CASD1: variants seen among roughly 807,000 people sequenced by gnomAD.
The protein encoded by CASD1 is N-acetylneuraminate (7)9-O-acetyltransferase.
A neutral mutation model predicts 100.0 loss-of-function variants in CASD1; 41 were observed. The ratio of observed to expected loss-of-function variants is 0.41; its 90% confidence interval spans 0.32 to 0.53. The LOEUF is 0.53. Among genes scored for constraint, CASD1 ranks in the 20% least tolerant of loss-of-function variants. The probability of loss-of-function intolerance (pLI) is 0.25; values close to 1 mark genes in which losing one functional copy is unlikely to be tolerated. For missense variants in CASD1, 774 were observed against 948.7 expected (o/e 0.82, Z 2.42); for synonymous variants, 321 against 315.6 (o/e 1.02, Z -0.18).
chr7:94,520,022 T>A (rs1358481541), intron 3 of CASD1, among the ~76,000 whole-genome samples: 1 of 152,236 alleles, frequency 6.6e-6, no homozygotes, highest in East Asian at 1.9e-4. Flanking sequence ...TTCCAGTTTT[T>A]ATAGTCTAGG....
intron 1 of CASD1, among the ~76,000 whole-genome samples, chr7:94,512,446 G>A (rs184644416): frequency 6.6e-6 from 1 of 152,322 alleles, no homozygotes; most frequent in Admixed American, 6.5e-5. Flanking sequence ...GTGAGTATGA[G>A]TGTGCTGAGG....
At chr7:94,544,606 T>G in intron 11 of CASD1, 76 bp downstream of exon 11, 14 of 1,447,328 alleles carry the variant, frequency 9.7e-6, no homozygotes, top group Non-Finnish European at 1.3e-5. Context: ...GAGAAAAAAA[T>G]ATAAATATAG....
At chr7:94,516,544 T>C (rs1193069515) in intron 1 of CASD1, among the ~76,000 whole-genome samples, 1 of 152,228 alleles carries the variant, frequency 6.6e-6, no homozygotes, top group Non-Finnish European at 1.5e-5. Flanking sequence ...TGCTATTGAC[T>C]ATTGATAAAG....
chr7:94,542,314 A>G (rs2116365588), intron 10 of CASD1, among the ~76,000 whole-genome samples: 1 of 152,282 alleles, frequency 6.6e-6, no homozygotes, highest in Non-Finnish European at 1.5e-5. Flanking sequence ...GCATGTGGCT[A>G]TTGAGCACTT....
intron 13 of CASD1, among the ~76,000 whole-genome samples, chr7:94,549,224 T>A (rs1013272363): frequency 1.4e-4 from 22 of 151,960 alleles, no homozygotes; most frequent in South Asian, 4.1e-4. Context: ...ATTACCAGAT[T>A]TTTTGATTTG....
intron 12 of CASD1, among the ~76,000 whole-genome samples, chr7:94,546,282 A>T (rs1211061801): frequency 6.6e-6 from 1 of 151,972 alleles, no homozygotes; most frequent in Non-Finnish European, 1.5e-5. Context: ...CTAATTTCAC[A>T]TGGTTAGTTA....
At chr7:94,513,459 TCACAATCTAAA>T in intron 1 of CASD1, among the ~76,000 whole-genome samples, 1 of 152,170 alleles carries the variant, frequency 6.6e-6, no homozygotes, top group Non-Finnish European at 1.5e-5. Context: ...AATTCCAGGT[TCACAATCTAAA>T]CGTGCTTTGC....
chr7:94,608,478 T>C, the CASD1 span, among the ~76,000 whole-genome samples: 1 of 152,246 alleles, frequency 6.6e-6, no homozygotes, highest in Non-Finnish European at 1.5e-5. Flanking sequence ...GACTAAATAT[T>C]GTCCATATGC....
At chr7:94,571,099 A>G in the CASD1 span, among the ~76,000 whole-genome samples, 1 of 150,846 alleles carries the variant, frequency 6.6e-6, no homozygotes, top group Non-Finnish European at 1.5e-5. Context: ...GCTGGAAAGC[A>G]ATAGTGCAAT....
the CASD1 span, chr7:94,603,412 A>T: frequency 6.2e-7 from 1 of 1,613,294 alleles, no homozygotes; most frequent in Non-Finnish European, 8.5e-7. Context: ...TCTCGTAAAC[A>T]AGAAGAAAAC....
chr7:94,588,450 G>C, the CASD1 span: 1 of 1,326,978 alleles, frequency 7.5e-7, no homozygotes, highest in Non-Finnish European at 9.7e-7. Flanking sequence ...TCCTTAATTA[G>C]ACAGGACCTC....
In CASD1 at chr7:94,530,531, C is replaced by G. The variant is rs997007290; in HGVS notation, c.459+2281C>G. On this transcript the variant is annotated intron_variant, in intron 5 of 17. Coordinates refer to ENST00000297273, the MANE Select transcript of CASD1 (RefSeq NM_022900.5). ...AGGGTGTATTTTCTGAAAATAAGTA[C>G]GTTGAATTGAATTGAGGGTAGTGGA... Among the ~76,000 whole-genome samples, 4 of 151,980 alleles carry G rather than the reference C, an allele frequency of 2.6e-5. No individual in the cohort carries two copies. In the South Asian group the frequency reaches 8.3e-4, roughly 32 times the overall value.
At chr7:94,603,150 GA>G in the CASD1 span, 1 of 653,226 alleles carries the variant, frequency 1.5e-6, no homozygotes, top group Admixed American at 2.6e-5. Context: ...GAGCTTACCA[GA>G]TCCTTAATCT....
intron 3 of CASD1, among the ~76,000 whole-genome samples, chr7:94,522,404 T>A (rs1794326717): frequency 6.6e-6 from 1 of 152,192 alleles, no homozygotes; most frequent in Non-Finnish European, 1.5e-5. Flanking sequence ...CTTGTAGGCA[T>A]CTAATAAATT....
intron 17 of CASD1, among the ~76,000 whole-genome samples, chr7:94,554,943 T>G (rs1471718267): frequency 6.6e-6 from 1 of 152,052 alleles, no homozygotes; most frequent in Non-Finnish European, 1.5e-5. Flanking sequence ...TCTCCATAAT[T>G]AAATATATTA....
At chr7:94,564,337 A>G in the CASD1 span, among the ~76,000 whole-genome samples, 1 of 152,216 alleles carries the variant, frequency 6.6e-6, no homozygotes, top group African/African-American at 2.4e-5. Flanking sequence ...AGACTAATGA[A>G]TTAAAGTGAT....
At chr7:94,591,043 C>T in the CASD1 span, among the ~76,000 whole-genome samples, 1 of 151,980 alleles carries the variant, frequency 6.6e-6, no homozygotes, top group Admixed American at 6.6e-5. Context: ...TAATTCATCC[C>T]GACGATTATA....
chr7:94,571,527 G>T, the CASD1 span, among the ~76,000 whole-genome samples: 1 of 152,242 alleles, frequency 6.6e-6, no homozygotes, highest in East Asian at 1.9e-4. Context: ...TGCCAGTGAG[G>T]GCTCAAAAGA....
chr7:94,592,868 C>T, the CASD1 span, among the ~76,000 whole-genome samples: 2 of 152,072 alleles, frequency 1.3e-5, no homozygotes, highest in African/African-American at 4.8e-5. Flanking sequence ...GAAAATGACA[C>T]TAGTTGTGTG....
Sources: allele counts gnomAD v4.1 joint callset (sites outside exome capture counted in the v4.1 genomes callset), GRCh38; gene constraint gnomAD v4.1.1; transcripts MANE v1.5; gene names NCBI Gene and HGNC (gene_info 2026-07-23, HGNC 2026-07-21).